C10orf67: variants seen among roughly 807,000 people sequenced by gnomAD.
C10orf67 encodes chromosome 10 open reading frame 67.
Under a neutral mutation model 35.6 loss-of-function variants are expected in C10orf67, and 60 were observed. The ratio of observed to expected loss-of-function variants is 1.68; its 90% CI spans 1.37 to 2.09. The LOEUF is 2.09. Among genes scored for constraint, C10orf67 ranks in the 30% most tolerant of loss-of-function variants. C10orf67 has a pLI of 0.00. For synonymous variants in C10orf67, 167 were observed against 115.8 expected, an observed-to-expected ratio of 1.44 and a Z score of -2.84; for missense variants, 474 against 330.2, an observed-to-expected ratio of 1.44 and a Z score of -3.38.
chr10:23,322,897 G>A (rs777018434), intron 2 of C10orf67, among the ~76,000 whole-genome samples: 1 of 151,968 alleles, frequency 6.6e-6, no homozygotes, highest in Non-Finnish European at 1.5e-5. Flanking sequence ...ATGATAGAGA[G>A]TAAAGGTCCT....
chr10:23,205,975 C>T (rs1312735917), intron 15 of C10orf67, among the ~76,000 whole-genome samples: 1 of 152,168 alleles, frequency 6.6e-6, no homozygotes, highest in Non-Finnish European at 1.5e-5. Context: ...TAACAATGTG[C>T]ATTTTTGTAA....
chr10:23,315,001 A>G (rs1564506473), intron 4 of C10orf67, among the ~76,000 whole-genome samples: 1 of 152,210 alleles, frequency 6.6e-6, no homozygotes, highest in Non-Finnish European at 1.5e-5. Flanking sequence ...ATACTTGTCA[A>G]TCTACAAAAA....
intron 1 of C10orf67, among the ~76,000 whole-genome samples, chr10:23,340,292 C>T (rs571636827): frequency 1.4e-4 from 20 of 147,026 alleles, no homozygotes; most frequent in Admixed American, 7.0e-4. Context: ...ACTGCTTGAG[C>T]TTAGGAGTTT....
At chr10:23,237,299 G>T (rs1171464656) in intron 13 of C10orf67, among the ~76,000 whole-genome samples, 1 of 152,092 alleles carries the variant, frequency 6.6e-6, no homozygotes, top group Admixed American at 6.6e-5. Flanking sequence ...TGGGCATTTA[G>T]GTTGATTCCA....
At chr10:23,324,268 T>C (rs1198506653) in intron 2 of C10orf67, among the ~76,000 whole-genome samples, 1 of 151,970 alleles carries the variant, frequency 6.6e-6, no homozygotes, top group Admixed American at 6.6e-5. Flanking sequence ...TTTGTAGCTA[T>C]ATCTTGACCT....
At chr10:23,290,082 G>T in intron 6 of C10orf67, 124 bp from the exon 7 acceptor site, 1 of 609,682 alleles carries the variant, frequency 1.6e-6, no homozygotes, top group Non-Finnish European at 2.9e-6. Flanking sequence ...GGCCTAGCAG[G>T]ACTGTGACCT....
intron 13 of C10orf67, among the ~76,000 whole-genome samples, chr10:23,238,885 T>G (rs1257911171): frequency 6.6e-6 from 1 of 152,204 alleles, no homozygotes; most frequent in East Asian, 1.9e-4. Flanking sequence ...AACTTAGTTA[T>G]AAACAGGAAT....
At chr10:23,269,578 C>T (rs1308785372) in intron 8 of C10orf67, among the ~76,000 whole-genome samples, 2 of 152,072 alleles carry the variant, frequency 1.3e-5, no homozygotes, top group African/African-American at 4.8e-5. Context: ...ATTAAACAAT[C>T]TAGTTAAAAT....
At chr10:23,279,969 C>T (rs894622848) in intron 8 of C10orf67, among the ~76,000 whole-genome samples, 6 of 152,132 alleles carry the variant, frequency 3.9e-5, no homozygotes, top group Admixed American at 6.5e-5. Flanking sequence ...ACACTTCCCA[C>T]CTAGCCTCCT....
At chr10:23,289,040 G>C (rs887914488) in intron 7 of C10orf67, among the ~76,000 whole-genome samples, 2 of 152,178 alleles carry the variant, frequency 1.3e-5, no homozygotes, top group African/African-American at 4.8e-5. Context: ...CAATAGGGAA[G>C]TTTGCGGATA....
intron 8 of C10orf67, among the ~76,000 whole-genome samples, chr10:23,267,589 T>C (rs997793605): frequency 2.6e-5 from 4 of 152,188 alleles, no homozygotes; most frequent in African/African-American, 9.7e-5. Flanking sequence ...CAGCTATAAA[T>C]ACTAGGCCTT....
rs147300576 is a variant in C10orf67, at chr10:23,294,205, T to A, written c.703-2926A>T. On this transcript the variant is annotated intron_variant, in intron 5 of 15. Transcript: ENST00000636213. ...CAGTGCAACCCTGCAGAGCTGCCACTCTTGAATGACAGCTCTGTTTCAGAG... is the reference window on the plus strand; with the variant it reads ...CAGTGCAACCCTGCAGAGCTGCCACACTTGAATGACAGCTCTGTTTCAGAG... Among the ~76,000 whole-genome samples the A allele has an allele frequency of 1.2e-3, 182 of 152,200 alleles. No individual in the cohort carries two copies. The East Asian group carries it at 0.016, about 14-fold the overall frequency.
chr10:23,211,480 G>GTGTGTGTGT (rs1193681718), intron 15 of C10orf67, among the ~76,000 whole-genome samples: 3 of 117,494 alleles, frequency 2.6e-5, no homozygotes, highest in East Asian at 2.0e-4. Flanking sequence ...TGTGTGTGTG[G>GTGTGTGTGT]GGGGGGGGGG....
At chr10:23,205,603 T>G (rs1380934176) in intron 15 of C10orf67, among the ~76,000 whole-genome samples, 3 of 152,190 alleles carry the variant, frequency 2.0e-5, no homozygotes, top group Non-Finnish European at 2.9e-5. Context: ...ACTGGAGATT[T>G]TAGTCTATTA....
chr10:23,267,064 C>T, intron 9 of C10orf67, 131 bp downstream of exon 9: 3 of 591,874 alleles, frequency 5.1e-6, no homozygotes, highest in Non-Finnish European at 9.0e-6. Flanking sequence ...CTTTCAAGAA[C>T]TTTCTTTTTC....
chr10:23,206,734 G>A (rs1352566180), intron 15 of C10orf67, among the ~76,000 whole-genome samples: 1 of 152,142 alleles, frequency 6.6e-6, no homozygotes, highest in Non-Finnish European at 1.5e-5. Context: ...AATTTATTAT[G>A]CTTGTATGGG....
In C10orf67 at chr10:23,335,828, CAT is replaced by C. The variant is rs145715067; in HGVS notation, c.207-2648_207-2647del. Among the ~76,000 whole-genome samples the C allele has an allele frequency of 2.1e-3, 318 of 152,276 alleles. 4 individuals carry two copies. In the East Asian group the frequency reaches 0.031, roughly 15 times the overall value. Reference sequence around the variant, plus strand: ...CTCCATGTAACTTACTCATGTGTCACATATCTACTAGTTAAATGTTCCCCCAA... The same window carrying C: ...CTCCATGTAACTTACTCATGTGTCACATCTACTAGTTAAATGTTCCCCCAA... On this transcript the variant is annotated intron_variant, in intron 1 of 15. Transcript: ENST00000636213.
At chr10:23,231,342 G>A (rs1841910047) in intron 13 of C10orf67, among the ~76,000 whole-genome samples, 1 of 152,122 alleles carries the variant, frequency 6.6e-6, no homozygotes, top group Non-Finnish European at 1.5e-5. Context: ...TTCTTGCCCT[G>A]GACTTTCTCT....
rs1297148452 is a variant in C10orf67, at chr10:23,202,807, C to T, written c.*1366G>A. ...GAAATGAAGCAGTTTGATATCACAC[C>T]CAACCAGGAGGCTGCTTCCAAGGAA... On this transcript the variant is annotated 3_prime_UTR_variant, in exon 16 of 16. Transcript: ENST00000636213. 2 of 152,148 alleles carry T rather than the reference C, an allele frequency of 1.3e-5. No homozygotes were observed. Among genetic ancestry groups the T allele is most frequent in the African/African-American group, 4.8e-5 (2 of 41,428 alleles). The allele number at this position is 152,148 out of a possible 1,614,324, so 9.4% of individuals were successfully genotyped here. A position where few individuals can be genotyped will look rare whatever the true frequency, so the allele number is the denominator to read the frequency against.
Sources: allele counts gnomAD v4.1 joint callset (sites outside exome capture counted in the v4.1 genomes callset), GRCh38; gene constraint gnomAD v4.1.1; transcripts MANE v1.5; gene names NCBI Gene and HGNC (gene_info 2026-07-23, HGNC 2026-07-21).